PSEN1: variants seen among roughly 807,000 people sequenced by gnomAD.
The protein encoded by PSEN1 is presenilin-1.
PSEN1 carries 15 observed loss-of-function variants against 53.5 expected under a neutral mutation model. The observed-to-expected ratio is 0.28, with a 90% CI of 0.19 to 0.43. The LOEUF is 0.43. Ranked by LOEUF, PSEN1 falls within the 20% of genes least tolerant of loss-of-function variation. The pLI is 1.00. For synonymous variants in PSEN1, 208 were observed against 209.8 expected (o/e 0.99, Z 0.08); for missense variants, 387 against 571.2 (o/e 0.68, Z 3.29).
intron 7 of PSEN1, among the ~76,000 whole-genome samples, chr14:73,193,919 G>A (rs1039435292): frequency 6.6e-6 from 1 of 152,008 alleles, no homozygotes; most frequent in African/African-American, 2.4e-5. Context: ...GGCCTCTCAA[G>A]GTATTGGGAT....
chr14:73,198,008 C>CT, intron 7 of PSEN1, 23 bp from the exon 8 acceptor site: 2 of 1,400,986 alleles, frequency 1.4e-6, no homozygotes, highest in Non-Finnish European at 2.0e-6. Flanking sequence ...TATTAGATGT[C>CT]TTTTATGTTT....
At chr14:73,216,071 G>C (rs911106409) in intron 10 of PSEN1, among the ~76,000 whole-genome samples, 2 of 152,102 alleles carry the variant, frequency 1.3e-5, no homozygotes, top group African/African-American at 4.8e-5. Flanking sequence ...CTGGTAAATG[G>C]ATAAGCAAAC....
At chr14:73,168,871 C>T (rs1169592399) in intron 3 of PSEN1, 1 of 152,310 alleles carries the variant, frequency 6.6e-6, no homozygotes, top group East Asian at 1.9e-4. Flanking sequence ...GATTGTAACA[C>T]ACTTGGATGC....
At chr14:73,184,490 C>T (rs1449720667) in intron 5 of PSEN1, among the ~76,000 whole-genome samples, 3 of 118,382 alleles carry the variant, frequency 2.5e-5, no homozygotes, top group East Asian at 3.4e-4. Context: ...CCTCACCTCC[C>T]GGACGGGGCG....
chr14:73,166,329 A>G (rs1897716912), intron 3 of PSEN1, among the ~76,000 whole-genome samples: 1 of 152,196 alleles, frequency 6.6e-6, no homozygotes, highest in East Asian at 1.9e-4. Context: ...GTGGTGCCAT[A>G]GAAAGAAAAC....
At chr14:73,211,988 A>G (rs752665713) in intron 10 of PSEN1, 46 bp downstream of exon 10, 1 of 1,485,702 alleles carries the variant, frequency 6.7e-7, no homozygotes, top group East Asian at 2.7e-5. Context: ...TCCTTTAGGT[A>G]GCTACATTAT....
At chr14:73,145,924 T>A (rs1249702811) in intron 1 of PSEN1, among the ~76,000 whole-genome samples, 1 of 151,920 alleles carries the variant, frequency 6.6e-6, no homozygotes, top group Admixed American at 6.6e-5. Context: ...CTGGCCAACA[T>A]GGTGAAACCC....
rs78682030 is a variant in PSEN1, at chr14:73,190,485, T to TA, written c.549-2139dup. Among the ~76,000 whole-genome samples the TA allele has an allele frequency of 9.2e-3, 1,221 of 133,000 alleles. 6 individuals are homozygous for TA. Among genetic ancestry groups the TA allele is most frequent in the Non-Finnish European group, 0.013 (834 of 61,960 alleles). The allele number at this position is 133,000 out of a possible 152,430, so 87.3% of individuals were successfully genotyped here. On this transcript the variant is annotated intron_variant, in intron 6 of 11. Coordinates refer to ENST00000324501, the MANE Select transcript of PSEN1 (RefSeq NM_000021.4). Reference sequence around the variant, plus strand: ...GTGACAGTCAGACCTTGTCTCTATTTAAAAAAAAAAAAAAAAAAAATTAAA... The same window carrying TA: ...GTGACAGTCAGACCTTGTCTCTATTTAAAAAAAAAAAAAAAAAAAAATTAAA...
Position 73,148,211 on chromosome 14 carries a change from T to C in PSEN1, c.87+105T>C, listed in dbSNP as rs965742322. 8 of 861,908 alleles carry C rather than the reference T, an allele frequency of 9.3e-6. No individual in the cohort carries two copies. The African/African-American group carries it at 1.2e-4, about 13-fold the overall frequency. The allele number at this position is 861,908 out of a possible 1,614,324, so 53.4% of individuals were successfully genotyped here. A position where few individuals can be genotyped will look rare whatever the true frequency, so the allele number is the denominator to read the frequency against. On this transcript the variant is annotated intron_variant, in intron 3 of 11. Coordinates refer to ENST00000324501, the MANE Select transcript of PSEN1 (RefSeq NM_000021.4). ...GGGGCTAGGCAGGCTTTCTCTACTT[T>C]ACCACATTTATAATATATTTGGTGA...
chr14:73,202,903 A>T (rs1899289924), intron 8 of PSEN1, among the ~76,000 whole-genome samples: 1 of 152,210 alleles, frequency 6.6e-6, no homozygotes, highest in African/African-American at 2.4e-5. Context: ...TAACCACAGA[A>T]TATGAGACAT....
intron 6 of PSEN1, 102 bp from the exon 7 acceptor site, chr14:73,192,541 TG>T (rs1186590428): frequency 1.2e-6 from 1 of 804,552 alleles, no homozygotes; most frequent in Non-Finnish European, 2.2e-6. Context: ...ATTATAAAGG[TG>T]GGATATTAAT....
rs183436551 is a variant in PSEN1, at chr14:73,179,968, T to A, written c.480+6261T>A. On this transcript the variant is annotated intron_variant, in intron 5 of 11. Coordinates refer to ENST00000324501, the MANE Select transcript of PSEN1 (RefSeq NM_000021.4). Reference sequence around the variant, plus strand: ...ATTTTTTGTCGCATTTGTACATCTTTTATCCATCCTTCATTTTATTTTATT... The same window carrying A: ...ATTTTTTGTCGCATTTGTACATCTTATATCCATCCTTCATTTTATTTTATT... Among the ~76,000 whole-genome samples the A allele has an allele frequency of 2.5e-3, 375 of 152,210 alleles. 7 individuals carry two copies. The highest frequency in any genetic ancestry group is 0.022 in the Admixed American group (337 of 15,264).
intron 6 of PSEN1, among the ~76,000 whole-genome samples, chr14:73,189,032 C>G (rs1898618687): frequency 6.6e-6 from 1 of 151,996 alleles, no homozygotes; most frequent in Admixed American, 6.5e-5. Context: ...CTCAGGTGAT[C>G]CACCTGCCTC....
chr14:73,190,659 G>A (rs1377879120), intron 6 of PSEN1, among the ~76,000 whole-genome samples: 1 of 152,080 alleles, frequency 6.6e-6, no homozygotes, highest in Non-Finnish European at 1.5e-5. Context: ...GTGGAGACAG[G>A]AGGACTGCTT....
intron 6 of PSEN1, among the ~76,000 whole-genome samples, chr14:73,190,321 T>C (rs572822828): frequency 6.6e-6 from 1 of 151,446 alleles, no homozygotes; most frequent in African/African-American, 2.4e-5. Flanking sequence ...AAACTCCATC[T>C]CTACAAAAAA....
chr14:73,192,269 C>T (rs1287587672), intron 6 of PSEN1, among the ~76,000 whole-genome samples: 2 of 152,014 alleles, frequency 1.3e-5, no homozygotes, highest in East Asian at 3.8e-4. Context: ...GAAACCCTAT[C>T]TGTACAAAAA....
At chr14:73,208,670 A>C (rs1490319415) in intron 9 of PSEN1, among the ~76,000 whole-genome samples, 1 of 152,198 alleles carries the variant, frequency 6.6e-6, no homozygotes, top group East Asian at 1.9e-4. Context: ...GAGGAAGTAC[A>C]TGCTGATGGG....
chr14:73,147,273 C>T (rs1048887854), intron 1 of PSEN1, among the ~76,000 whole-genome samples: 2 of 152,162 alleles, frequency 1.3e-5, no homozygotes, highest in East Asian at 3.8e-4. Flanking sequence ...CATGAGCCAC[C>T]GCTCCTGGCT....
chr14:73,193,582 C>A (rs1595036126), intron 7 of PSEN1, among the ~76,000 whole-genome samples: 1 of 148,044 alleles, frequency 6.8e-6, no homozygotes, highest in Non-Finnish European at 1.5e-5. Flanking sequence ...AAAAAAAGCA[C>A]AAGCAGAGTG....
Sources: allele counts gnomAD v4.1 joint callset (sites outside exome capture counted in the v4.1 genomes callset), GRCh38; gene constraint gnomAD v4.1.1; transcripts MANE v1.5; gene names NCBI Gene and HGNC (gene_info 2026-07-23, HGNC 2026-07-21).